CNR2: variants seen among roughly 807,000 people sequenced by gnomAD.
CNR2 encodes cannabinoid receptor 2.
For synonymous variants in CNR2, 172 were observed against 182.2 expected, an observed-to-expected ratio of 0.94 and a Z score of 0.45; for missense variants, 379 against 439.9, an observed-to-expected ratio of 0.86 and a Z score of 1.24.
At position 23,880,466 on chromosome 1, in the gene CNR2, A is replaced by G. The variant is rs950511939; in HGVS notation, c.-45-4804T>C. On this transcript the variant is annotated intron_variant, in intron 1 of 1. Coordinates refer to ENST00000374472, the MANE Select transcript of CNR2 (RefSeq NM_001841.3). ...TGGGATTACAGGCATGAGCCACTGC[A>G]CCTAGCCCAACCTCCAGCTCTTTTG... Among the ~76,000 whole-genome samples, 8 of 152,100 alleles carry G rather than the reference A, an allele frequency of 5.3e-5. No individual in the cohort carries two copies. In the East Asian group the frequency reaches 1.5e-3, roughly 29 times the overall value.
chr1:23,876,077 G>A (rs1034103742), intron 1 of CNR2, among the ~76,000 whole-genome samples: 3 of 152,070 alleles, frequency 2.0e-5, no homozygotes, highest in Non-Finnish European at 4.4e-5. Flanking sequence ...TGCCAATTTC[G>A]GCAAGTAAAG....
At chr1:23,904,597 C>T (rs1046058686) in intron 1 of CNR2, among the ~76,000 whole-genome samples, 1 of 152,084 alleles carries the variant, frequency 6.6e-6, no homozygotes, top group Non-Finnish European at 1.5e-5. Flanking sequence ...ATGTGTGGAT[C>T]TCTTTCACCC....
At chr1:23,889,757 T>C (rs1640153959) in intron 1 of CNR2, among the ~76,000 whole-genome samples, 1 of 152,204 alleles carries the variant, frequency 6.6e-6, no homozygotes, top group African/African-American at 2.4e-5. Flanking sequence ...GGATTAAAAT[T>C]CAGCTCTGCA....
In CNR2 at chr1:23,904,004, T is replaced by TG. The variant is rs1441357790; in HGVS notation, c.-46+9241dup. 2.6e-5 allele frequency among the ~76,000 whole-genome samples: 4 copies of TG among 152,208 alleles called. No individual in the cohort carries two copies. The East Asian group carries it at 7.7e-4, about 29-fold the overall frequency. ...CCCGGGGACTTCTCTCTAATCTTTCTGGGGGGCCCTTTGAAATGTTAAAAA... is the reference window on the plus strand; with the variant it reads ...CCCGGGGACTTCTCTCTAATCTTTCTGGGGGGGCCCTTTGAAATGTTAAAAA... On this transcript the variant is annotated intron_variant, in intron 1 of 1. Coordinates refer to ENST00000374472, the MANE Select transcript of CNR2 (RefSeq NM_001841.3).
intron 1 of CNR2, among the ~76,000 whole-genome samples, chr1:23,890,171 A>G (rs541042931): frequency 6.7e-6 from 1 of 150,038 alleles, no homozygotes; most frequent in Non-Finnish European, 1.5e-5. Flanking sequence ...AGGCAGGAGA[A>G]TCACTTGAGC....
At chr1:23,879,929 A>G (rs1639950024) in intron 1 of CNR2, among the ~76,000 whole-genome samples, 1 of 152,142 alleles carries the variant, frequency 6.6e-6, no homozygotes, top group Admixed American at 6.5e-5. Flanking sequence ...TGTAAAAGCC[A>G]AAGTCCTTAG....
rs190232252 is a variant in CNR2, at chr1:23,906,672, G to A, written c.-46+6574C>T. 3.2e-3 allele frequency among the ~76,000 whole-genome samples: 476 copies of A among 150,792 alleles called. 3 individuals are homozygous for A. The highest frequency in any genetic ancestry group is 3.5e-3 in the Middle Eastern group (1 of 288). ...GCTGGGATTACAGGCGTGAGCCACC[G>A]CACCCGGCCAATTCATACTTCTTAA... On this transcript the variant is annotated intron_variant, in intron 1 of 1. Coordinates refer to ENST00000374472, the MANE Select transcript of CNR2 (RefSeq NM_001841.3).
At chr1:23,901,782 C>G in intron 1 of CNR2, 2 of 1,523,282 alleles carry the variant, frequency 1.3e-6, no homozygotes, top group Non-Finnish European at 1.8e-6. Flanking sequence ...CTGTACTCAG[C>G]CTTCCCAGAG....
chr1:23,874,963 G>A lies in CNR2; in HGVS notation c.655C>T (p.His219Tyr). The change falls in exon 2 of 2, where the codon CAT becomes TAT. Residue 219 changes from histidine to tyrosine, a missense_variant. Coordinates refer to ENST00000374472, the MANE Select transcript of CNR2 (RefSeq NM_001841.3). The part of the protein sequence containing the change: ...YGHVLWKAHQ[H>Y]VASLSGHQDR... The stretch of plus-strand genomic sequence containing the variant: ...TGGTGGCCAGACAAGCTGGCCACAT[G>A]CTGATGGGCCTTCCAGAGAACATGC... The A allele has an allele frequency of 6.2e-7, 1 of 1,610,358 alleles. No homozygotes were observed. The highest frequency in any genetic ancestry group is 8.5e-7 in the Non-Finnish European group (1 of 1,177,884).
chr1:23,898,839 G>C (rs1055188020), intron 1 of CNR2, among the ~76,000 whole-genome samples: 3 of 151,132 alleles, frequency 2.0e-5, no homozygotes, highest in African/African-American at 4.9e-5. Context: ...TTTTAGTAGA[G>C]ACGGGGTTTC....
rs1639774038 is a variant in CNR2, at chr1:23,872,132, C to CAGA, written c.*2402_*2403insTCT. ...TGGACAACAGAATGAGATTCCGTCT[C>CAGA]AAAAAAAAAAAAAAAAAAAAAAAAG... On this transcript the variant is annotated 3_prime_UTR_variant, in exon 2 of 2. Coordinates refer to ENST00000374472, the MANE Select transcript of CNR2 (RefSeq NM_001841.3). 2.2e-5 allele frequency: 1 copy of CAGA among 46,414 alleles called. No individual in the cohort carries two copies. Among genetic ancestry groups the CAGA allele is most frequent in the African/African-American group, 8.1e-5 (1 of 12,312 alleles). 2.9% of individuals were successfully genotyped at this position (46,414 alleles called of 1,614,324 possible). A position where few individuals can be genotyped will look rare whatever the true frequency, so the allele number is the denominator to read the frequency against.
At chr1:23,883,208 A>G (rs544890750) in intron 1 of CNR2, among the ~76,000 whole-genome samples, 4 of 152,338 alleles carry the variant, frequency 2.6e-5, no homozygotes, top group African/African-American at 9.6e-5. Context: ...AAGGCTGACA[A>G]TACTGAGTGC....
chr1:23,906,087 G>A (rs1640481729), intron 1 of CNR2, among the ~76,000 whole-genome samples: 1 of 145,938 alleles, frequency 6.9e-6, no homozygotes, highest in Non-Finnish European at 1.5e-5. Flanking sequence ...GGAGGAAATA[G>A]GTAGACAGAG....
chr1:23,888,260 A>G (rs1169110010), intron 1 of CNR2, among the ~76,000 whole-genome samples: 1 of 152,222 alleles, frequency 6.6e-6, no homozygotes, highest in Admixed American at 6.5e-5. Context: ...TGTTTGCCAC[A>G]GTGAAGAGTG....
At chr1:23,891,322 T>A (rs1238487002) in intron 1 of CNR2, among the ~76,000 whole-genome samples, 1 of 151,084 alleles carries the variant, frequency 6.6e-6, no homozygotes, top group African/African-American at 2.4e-5. Flanking sequence ...TGAATTATAC[T>A]GAAAATCCAA....
chr1:23,897,833 A>G (rs1332608814), intron 1 of CNR2, among the ~76,000 whole-genome samples: 1 of 152,154 alleles, frequency 6.6e-6, no homozygotes, highest in Non-Finnish European at 1.5e-5. Context: ...ATGAGAAGGC[A>G]GCTGGATTCT....
Position 23,875,106 on chromosome 1 carries a change from C to A in CNR2, c.512G>T (p.Gly171Val). 1 of 1,601,934 alleles carries A rather than the reference C, an allele frequency of 6.2e-7. No individual in the cohort carries two copies. Among genetic ancestry groups the A allele is most frequent in the Non-Finnish European group, 8.5e-7 (1 of 1,173,360 alleles). ...GCAGGGCCTGGGACAGCAAGTCCAT[C>A]CCATGAGGGGCAGGTAGGAGACTAG... ...SALVSYLPLMGWTCCPRPCSE... is the reference protein window; with the variant it reads ...SALVSYLPLMVWTCCPRPCSE... The change falls in exon 2 of 2, where the codon GGA becomes GTA. Residue 171 changes from glycine (G) to valine (V), a missense_variant. Transcript: ENST00000374472.
intron 1 of CNR2, chr1:23,902,469 A>G: frequency 6.2e-7 from 1 of 1,601,112 alleles, no homozygotes; most frequent in Non-Finnish European, 8.5e-7. Flanking sequence ...AGTGGCCAGC[A>G]CCGTATCCGC....
intron 1 of CNR2, among the ~76,000 whole-genome samples, chr1:23,898,243 T>A (rs1185749701): frequency 6.6e-6 from 1 of 151,986 alleles, no homozygotes; most frequent in East Asian, 1.9e-4. Context: ...TTCACCATGT[T>A]AGCCAGGATG....
Sources: gnomAD v4.1 joint callset for allele counts (sites outside exome capture counted in the v4.1 genomes callset) on GRCh38, gnomAD v4.1.1 for gene constraint, MANE v1.5 for transcripts, NCBI Gene and HGNC (gene_info 2026-07-23, HGNC 2026-07-21) for gene names.